MIDEAS: variants seen among roughly 807,000 people sequenced by gnomAD.
MIDEAS encodes mitotic deacetylase-associated SANT domain protein.
A neutral mutation model predicts 102.7 loss-of-function variants in MIDEAS; 26 were observed. The observed-to-expected ratio is 0.25, with a 90% CI of 0.19 to 0.35. The LOEUF is 0.35. Among genes scored for constraint, MIDEAS ranks in the 10% least tolerant of loss-of-function variants. MIDEAS has a pLI of 1.00. For missense variants in MIDEAS, 1,231 were observed against 1,435.6 expected (o/e 0.86, Z 2.30); for synonymous variants, 585 against 591.0 (o/e 0.99, Z 0.15).
exon 1 of MIDEAS, chr14:73,787,220 G>T (rs536404983): frequency 1.3e-5 from 2 of 148,868 alleles, no homozygotes; most frequent in African/African-American, 4.9e-5. Context: ...CGGAGCGGGC[G>T]GTGCGGCCCG....
At chr14:73,770,811 G>C (rs867241168) in intron 1 of MIDEAS, among the ~76,000 whole-genome samples, 6 of 152,242 alleles carry the variant, frequency 3.9e-5, no homozygotes, top group Middle Eastern at 3.4e-3. Flanking sequence ...AAAAAACCGA[G>C]CTGCTGACAA....
intron 11 of MIDEAS, among the ~76,000 whole-genome samples, chr14:73,720,573 ACT>A (rs1233403444): frequency 6.6e-6 from 1 of 151,818 alleles, no homozygotes; most frequent in Non-Finnish European, 1.5e-5. Flanking sequence ...AAAAAAAAAG[ACT>A]CTAAAAAAGC....
upstream of MIDEAS, among the ~76,000 whole-genome samples, chr14:73,763,082 C>T (rs180960028): frequency 2.0e-3 from 297 of 152,212 alleles, no homozygotes; most frequent in African/African-American, 6.8e-3. Context: ...ACACCTGTAA[C>T]CCCAGAACTT....
intron 9 of MIDEAS, chr14:73,723,473 A>G (rs2053022910): frequency 6.6e-6 from 1 of 152,174 alleles, no homozygotes; most frequent in Non-Finnish European, 1.5e-5. Flanking sequence ...ATCAGGTTAA[A>G]TTTCGTGGGC....
chr14:73,755,040 G>C (rs893973353), intron 1 of MIDEAS: 1 of 152,298 alleles, frequency 6.6e-6, no homozygotes, highest in African/African-American at 2.4e-5. Flanking sequence ...CTTGCCCTGT[G>C]CTTTCCCCAC....
chr14:73,764,594 TG>T (rs550364174), upstream of MIDEAS, among the ~76,000 whole-genome samples: 194 of 152,322 alleles, frequency 1.3e-3, 1 homozygote, highest in African/African-American at 4.5e-3. Flanking sequence ...CTCCACCAGC[TG>T]TGTCTTCTCA....
chr14:73,725,188 G>T lies in MIDEAS; in HGVS notation c.2574+84C>A. 1 of 1,025,726 alleles carries T rather than the reference G, an allele frequency of 9.7e-7. No individual in the cohort carries two copies. The highest frequency in any genetic ancestry group is 1.5e-6 in the Non-Finnish European group (1 of 646,366). The allele number at this position is 1,025,726 out of a possible 1,614,324, so 63.5% of individuals were successfully genotyped here. A position where few individuals can be genotyped will look rare whatever the true frequency, so the allele number is the denominator to read the frequency against. ...GCATTGACCTGACTGCTTTTTAAGAGGGATTGGTCACTGGCAGAGGGAGCC... is the reference window on the plus strand; with the variant it reads ...GCATTGACCTGACTGCTTTTTAAGATGGATTGGTCACTGGCAGAGGGAGCC... On this transcript the variant is annotated intron_variant, in intron 9 of 12. Coordinates refer to ENST00000423556, the MANE Select transcript of MIDEAS (RefSeq NM_001367710.1). The surrounding 1 kb of genome is among the most constrained non-coding windows in gnomAD (Gnocchi z 4.1).
intron 1 of MIDEAS, among the ~76,000 whole-genome samples, chr14:73,772,082 A>G (rs1424182397): frequency 2.6e-5 from 4 of 152,230 alleles, no homozygotes; most frequent in Admixed American, 6.5e-5. Context: ...CTGGAGGCAG[A>G]GTCCACGCTG....
chr14:73,737,102 C>T lies in MIDEAS; in HGVS notation c.1645G>A (p.Glu549Lys). The T allele has an allele frequency of 6.8e-6, 11 of 1,614,138 alleles. No individual in the cohort carries two copies. The highest frequency in any genetic ancestry group is 9.3e-6 in the Non-Finnish European group (11 of 1,180,016). Residue 549 changes from glutamate (E) to lysine (K), a missense_variant, in exon 3 of 13, where the codon GAG (glutamate) becomes AAG (lysine). Coordinates refer to ENST00000423556, the MANE Select transcript of MIDEAS (RefSeq NM_001367710.1). ...TTCTGTTCAGGACCCTTCCCGTCCT[C>T]ATCAAGACCTCCAGCCTGGGCTGCC... ...TEAAQAGGLD[E>K]DGKGPEQNPA...
At chr14:73,747,916 G>A (rs538926155) in intron 1 of MIDEAS, among the ~76,000 whole-genome samples, 5 of 152,310 alleles carry the variant, frequency 3.3e-5, no homozygotes, top group Middle Eastern at 3.4e-3. Flanking sequence ...AGGGGACTCT[G>A]CTCTCAGCCA....
At chr14:73,751,858 C>A (rs991813216) in intron 1 of MIDEAS, among the ~76,000 whole-genome samples, 1 of 152,284 alleles carries the variant, frequency 6.6e-6, no homozygotes, top group Middle Eastern at 3.4e-3. Flanking sequence ...CAAGATCGTA[C>A]CACTGCACTC....
At chr14:73,757,281 A>AAAAAAAAAAC (rs2053495908) in intron 1 of MIDEAS, among the ~76,000 whole-genome samples, 1 of 147,718 alleles carries the variant, frequency 6.8e-6, no homozygotes, top group African/African-American at 2.5e-5. Context: ...CTAACAACCA[A>AAAAAAAAAAC]AAAAAAAAAA....
intron 1 of MIDEAS, among the ~76,000 whole-genome samples, chr14:73,771,342 AG>A (rs1455826731): frequency 6.6e-6 from 1 of 152,140 alleles, no homozygotes; most frequent in African/African-American, 2.4e-5. Flanking sequence ...GAGCTTCAGC[AG>A]GCTCCAACCT....
chr14:73,773,089 C>T (rs1456596503), intron 1 of MIDEAS, among the ~76,000 whole-genome samples: 1 of 151,994 alleles, frequency 6.6e-6, no homozygotes, highest in Non-Finnish European at 1.5e-5. Context: ...CCGCCCACCT[C>T]GGCCTCCCAA....
chr14:73,763,311 C>G, upstream of MIDEAS, among the ~76,000 whole-genome samples: 1 of 152,192 alleles, frequency 6.6e-6, no homozygotes, highest in East Asian at 1.9e-4. Context: ...GCACTCCATC[C>G]TGGGTGACAG....
At chr14:73,770,066 C>T (rs977493535) in intron 1 of MIDEAS, among the ~76,000 whole-genome samples, 3 of 151,880 alleles carry the variant, frequency 2.0e-5, no homozygotes, top group African/African-American at 7.3e-5. Flanking sequence ...ACAAAAGATG[C>T]TCCACAGCAC....
chr14:73,765,369 C>T (rs565582421), intron 1 of MIDEAS, among the ~76,000 whole-genome samples: 3 of 152,326 alleles, frequency 2.0e-5, no homozygotes, highest in South Asian at 4.1e-4. Context: ...TGACCTTCAG[C>T]GAGTTACTCA....
intron 1 of MIDEAS, among the ~76,000 whole-genome samples, chr14:73,756,480 T>C (rs1278886452): frequency 2.0e-5 from 3 of 152,188 alleles, no homozygotes; most frequent in African/African-American, 7.2e-5. Context: ...TTCAGCCTAC[T>C]CCACCCTAGC....
chr14:73,780,936 G>GGT (rs1555346349), intron 1 of MIDEAS, among the ~76,000 whole-genome samples: 1 of 150,696 alleles, frequency 6.6e-6, no homozygotes, highest in Non-Finnish European at 1.5e-5. Flanking sequence ...AGTTTTTTTT[G>GGT]TTTTTTTGTT....
Sources: gnomAD v4.1 joint callset for allele counts (sites outside exome capture counted in the v4.1 genomes callset) on GRCh38, gnomAD v4.1.1 for gene constraint, Gnocchi (gnomAD v3.1) non-coding constraint, MANE v1.5 for transcripts, NCBI Gene and HGNC (gene_info 2026-07-23, HGNC 2026-07-21) for gene names.